Variants in CACNB4 observed in about 807,000 individuals in gnomAD.
CACNB4 encodes voltage-dependent L-type calcium channel subunit beta-4.
CACNB4 carries 32 observed loss-of-function variants against 71.2 expected under a neutral mutation model. The ratio of observed to expected loss-of-function variants is 0.45; its 90% CI spans 0.34 to 0.60. The LOEUF is 0.60. Among genes scored for constraint, CACNB4 ranks in the 20% least tolerant of loss-of-function variants. The probability of loss-of-function intolerance (pLI) is 0.01; values close to 1 mark genes in which losing one functional copy is unlikely to be tolerated. For synonymous variants in CACNB4, 231 were observed against 236.9 expected, an observed-to-expected ratio of 0.97 and a Z score of 0.23; for missense variants, 464 against 647.9, an observed-to-expected ratio of 0.72 and a Z score of 3.08.
At chr2:151,930,088 T>G (rs1202349254) in intron 2 of CACNB4, among the ~76,000 whole-genome samples, 2 of 152,114 alleles carry the variant, frequency 1.3e-5, no homozygotes, top group African/African-American at 4.8e-5. Flanking sequence ...GAACTAACCC[T>G]GCCAAATATG....
chr2:151,872,168 T>C (rs2099844803), intron 6 of CACNB4: 2 of 372,148 alleles, frequency 5.4e-6, no homozygotes, highest in Non-Finnish European at 9.7e-6. Context: ...ATTTACACAA[T>C]GGACAGTTAT....
intron 2 of CACNB4, among the ~76,000 whole-genome samples, chr2:152,063,035 C>T (rs1049931307): frequency 6.6e-6 from 1 of 152,128 alleles, no homozygotes; most frequent in Non-Finnish European, 1.5e-5. Context: ...AGACAATTCC[C>T]TCAGCTGCTC....
intron 2 of CACNB4, among the ~76,000 whole-genome samples, chr2:152,002,506 C>A (rs372095593): frequency 1.7e-4 from 26 of 152,280 alleles, no homozygotes; most frequent in African/African-American, 5.5e-4. Context: ...TTCCCCAAAG[C>A]AAAATGTTAT....
At chr2:152,011,525 C>A (rs144235456) in intron 2 of CACNB4, among the ~76,000 whole-genome samples, 1 of 152,224 alleles carries the variant, frequency 6.6e-6, no homozygotes, top group African/African-American at 2.4e-5. Flanking sequence ...AGAACCCTGC[C>A]GTCCCAGTAG....
chr2:152,086,797 CAAG>C (rs1687684094), intron 2 of CACNB4, among the ~76,000 whole-genome samples: 1 of 152,164 alleles, frequency 6.6e-6, no homozygotes, highest in Non-Finnish European at 1.5e-5. Context: ...TCCAGGAAGA[CAAG>C]AAGTCCAGGG....
chr2:151,897,653 G>A (rs1005599505), intron 2 of CACNB4, among the ~76,000 whole-genome samples: 7 of 152,314 alleles, frequency 4.6e-5, no homozygotes, highest in East Asian at 3.9e-4. Context: ...TTACTCATAC[G>A]AGAGCTGGCG....
At chr2:151,951,880 C>T (rs2099866987) in intron 2 of CACNB4, among the ~76,000 whole-genome samples, 1 of 152,124 alleles carries the variant, frequency 6.6e-6, no homozygotes, top group Non-Finnish European at 1.5e-5. Context: ...AAAAAAATTC[C>T]TTAGGCATAC....
rs868633584 is a variant in CACNB4 at position 151,835,458 on chromosome 2, G to C, written c.*3661C>G. ...GTGTTTTTCCCTTTAAAGACAGATT[G>C]TCTTCTCTAGAGAAGAGGTAGTAAA... is the stretch of plus-strand genomic sequence containing the variant. On this transcript the variant is annotated 3_prime_UTR_variant, in exon 14 of 14. Coordinates refer to ENST00000539935, the MANE Select transcript of CACNB4 (RefSeq NM_000726.5). The C allele has an allele frequency of 1.5e-4, 23 of 151,792 alleles. No individual in the cohort carries two copies. The highest frequency in any genetic ancestry group is 1.5e-3 in the Admixed American group (23 of 15,238). 9.4% of individuals were successfully genotyped at this position (151,792 alleles called of 1,614,324 possible). A position where few individuals can be genotyped will look rare whatever the true frequency, so the allele number is the denominator to read the frequency against.
chr2:151,874,084 C>T (rs1192361905), intron 5 of CACNB4: 1 of 152,240 alleles, frequency 6.6e-6, no homozygotes, highest in African/African-American at 2.4e-5. Context: ...CCTGAGACCT[C>T]CCCAGAAGCA....
At position 152,098,427 on chromosome 2, in the gene CACNB4, A is replaced by T; in HGVS notation, c.64-14T>A. On this transcript the variant is annotated splice_polypyrimidine_tract_variant and intron_variant, in intron 1 of 13. Transcript: ENST00000539935. The surrounding 1 kb of genome is among the most constrained non-coding windows in gnomAD (Gnocchi z 5.3). Reference sequence around the variant, plus strand: ...GCCTCGGGCCACCTGGACTCGACACACGGGGGCCAGAGAGAAGCCGGTGAG... The same window carrying T: ...GCCTCGGGCCACCTGGACTCGACACTCGGGGGCCAGAGAGAAGCCGGTGAG... 1 of 1,606,730 alleles carries T rather than the reference A, an allele frequency of 6.2e-7. No homozygotes were observed. The highest frequency in any genetic ancestry group is 8.5e-7 in the Non-Finnish European group (1 of 1,173,660).
At chr2:152,016,164 T>G (rs1683333578) in intron 2 of CACNB4, among the ~76,000 whole-genome samples, 1 of 152,224 alleles carries the variant, frequency 6.6e-6, no homozygotes, top group African/African-American at 2.4e-5. Flanking sequence ...ACAAGCACTT[T>G]AGGGTGGCTT....
chr2:151,974,017 G>A lies in CACNB4; in HGVS notation c.148-90647C>T, dbSNP rs1373390335. ...GGCCTCTGATTGGCTCGGCTTCCCT[G>A]CTTCAGTCAGCTGAAGAGCGTTCCC... On this transcript the variant is annotated intron_variant, in intron 2 of 13. Transcript: ENST00000539935. The A allele has an allele frequency of 3.6e-6, 4 of 1,118,968 alleles. No individual in the cohort carries two copies. The East Asian group carries it at 1.5e-4, about 42-fold the overall frequency. The allele number at this position is 1,118,968 out of a possible 1,614,324, so 69.3% of individuals were successfully genotyped here. A position where few individuals can be genotyped will look rare whatever the true frequency, so the allele number is the denominator to read the frequency against.
chr2:152,044,537 G>T (rs377548367), intron 2 of CACNB4, among the ~76,000 whole-genome samples: 4 of 152,232 alleles, frequency 2.6e-5, no homozygotes, highest in African/African-American at 4.8e-5. Context: ...ATTATTAAAG[G>T]GAAATTTTCT....
At chr2:152,056,608 T>C (rs1210147518) in intron 2 of CACNB4, among the ~76,000 whole-genome samples, 2 of 152,174 alleles carry the variant, frequency 1.3e-5, no homozygotes, top group East Asian at 1.9e-4. Context: ...TGCTAGGCAA[T>C]TAATAGACTC....
Position 152,049,199 on chromosome 2 carries a change from C to G in CACNB4, c.147+49131G>C, listed in dbSNP as rs201604055. Among the ~76,000 whole-genome samples, 6 of 151,362 alleles carry G rather than the reference C, an allele frequency of 4.0e-5. No homozygotes were observed. The East Asian group carries it at 9.7e-4, about 24-fold the overall frequency. On this transcript the variant is annotated intron_variant, in intron 2 of 13. Transcript: ENST00000539935. ...ACTTTTTTTTGTTTTGAGTCTCACT[C>G]TGTTGCCCAGGCTGGAGTACAGTGG...
intron 2 of CACNB4, among the ~76,000 whole-genome samples, chr2:151,909,907 G>C (rs910965150): frequency 6.6e-6 from 1 of 151,322 alleles, no homozygotes; most frequent in African/African-American, 2.4e-5. Flanking sequence ...ATTTATTTTG[G>C]GGGGTATATC....
intron 3 of CACNB4, among the ~76,000 whole-genome samples, chr2:151,881,879 CTTTTTTT>C (rs34072100): frequency 7.5e-6 from 1 of 133,044 alleles, no homozygotes; most frequent in Non-Finnish European, 1.6e-5. Flanking sequence ...CTCCTCCCAT[CTTTTTTT>C]TTTTTTTTTT....
intron 2 of CACNB4, among the ~76,000 whole-genome samples, chr2:151,928,874 T>C (rs950115411): frequency 1.3e-5 from 2 of 151,048 alleles, no homozygotes; most frequent in African/African-American, 4.9e-5. Context: ...ATTGTGCTAC[T>C]GTGCTCCAGG....
chr2:151,954,720 C>T (rs550412054), intron 2 of CACNB4, among the ~76,000 whole-genome samples: 1 of 152,158 alleles, frequency 6.6e-6, no homozygotes, highest in East Asian at 1.9e-4. Flanking sequence ...TGAAAGAATC[C>T]TATTTTCAAG....
Sources: allele counts gnomAD v4.1 joint callset (sites outside exome capture counted in the v4.1 genomes callset), GRCh38; gene constraint gnomAD v4.1.1; non-coding constraint Gnocchi (gnomAD v3.1); transcripts MANE v1.5; gene names NCBI Gene and HGNC (gene_info 2026-07-23, HGNC 2026-07-21).